MPHOSPH8: variants seen among roughly 807,000 people sequenced by gnomAD.
The protein encoded by MPHOSPH8 is M-phase phosphoprotein, mpp.
Under a neutral mutation model 87.3 loss-of-function variants are expected in MPHOSPH8, and 45 were observed. The ratio of observed to expected loss-of-function variants is 0.52; its 90% CI spans 0.41 to 0.66. The LOEUF (loss-of-function observed/expected upper bound fraction) is 0.66, where lower values mean the gene tolerates loss of function less well. Ranked by LOEUF, MPHOSPH8 falls within the 30% of genes least tolerant of loss-of-function variation. MPHOSPH8 has a pLI of 0.00. For synonymous variants in MPHOSPH8, 366 were observed against 376.9 expected (o/e 0.97, Z 0.33); for missense variants, 883 against 1,020.2 (o/e 0.87, Z 1.83).
intron 7 of MPHOSPH8, among the ~76,000 whole-genome samples, chr13:19,661,338 C>T (rs1875520026): frequency 6.6e-6 from 1 of 152,178 alleles, no homozygotes; most frequent in Non-Finnish European, 1.5e-5. Context: ...CACAACAACA[C>T]AAAATGAGCA....
At chr13:19,658,155 G>C (rs1875301326) in intron 5 of MPHOSPH8, among the ~76,000 whole-genome samples, 2 of 151,404 alleles carry the variant, frequency 1.3e-5, no homozygotes, top group African/African-American at 2.4e-5. Context: ...AGAAGTGTTA[G>C]TTTGAGTTGA....
chr13:19,636,017 C>T (rs1873988280), intron 1 of MPHOSPH8, among the ~76,000 whole-genome samples: 1 of 152,182 alleles, frequency 6.6e-6, no homozygotes, highest in South Asian at 2.1e-4. Context: ...TTCTCCTTTG[C>T]CTTCCGCCAT....
chr13:19,655,837 C>T (rs532243504), intron 5 of MPHOSPH8, among the ~76,000 whole-genome samples: 1 of 152,158 alleles, frequency 6.6e-6, no homozygotes, highest in Non-Finnish European at 1.5e-5. Flanking sequence ...TAGCTGTCAC[C>T]CAGGCGGGAT....
Position 19,661,762 on chromosome 13 carries a change from T to A in MPHOSPH8, c.1856T>A (p.Leu619His), listed in dbSNP as rs1875540704. Residue 619 changes from leucine to histidine, a missense_variant, in exon 8 of 14, where the codon CTC becomes CAC. Transcript: ENST00000361479. ...AAGGQDDLLR[L>H]LITKGAKVNG... is the part of the protein sequence containing the mutation. ...GGAGGGCAGGACGACCTCCTGCGAC[T>A]CCTCATCACAAAAGGCGCGAAAGTG... The A allele has an allele frequency of 6.2e-7, 1 of 1,613,020 alleles. No individual in the cohort carries two copies. The highest frequency in any genetic ancestry group is 8.5e-7 in the Non-Finnish European group (1 of 1,179,470).
At chr13:19,663,878 C>T (rs1195360346) in intron 9 of MPHOSPH8, among the ~76,000 whole-genome samples, 4 of 152,164 alleles carry the variant, frequency 2.6e-5, no homozygotes, top group African/African-American at 9.7e-5. Flanking sequence ...CAGCCGCTGT[C>T]CCCAGTAAGC....
Position 19,650,200 on chromosome 13 carries a change from A to G in MPHOSPH8, c.1516A>G (p.Ile506Val). ...AGACGAAACGGATACTTGGGCATAC[A>G]TTGCTGCAGAAGGTGATCAGGAGGT... ...TRDETDTWAY[I>V]AAEGDQEVLD... is the part of the protein sequence containing the mutation. The change falls in exon 5 of 14, where the codon ATT becomes GTT. Residue 506 changes from isoleucine (I) to valine (V), a missense_variant. Coordinates refer to ENST00000361479, the MANE Select transcript of MPHOSPH8 (RefSeq NM_017520.4). 1 of 1,614,200 alleles carries G rather than the reference A, an allele frequency of 6.2e-7. No individual in the cohort carries two copies. The highest frequency in any genetic ancestry group is 8.5e-7 in the Non-Finnish European group (1 of 1,180,014).
At chr13:19,666,661 G>C in intron 10 of MPHOSPH8, 82 bp downstream of exon 10, 4 of 1,278,296 alleles carry the variant, frequency 3.1e-6, no homozygotes, top group East Asian at 2.4e-5. Flanking sequence ...GGAGTGGCCT[G>C]TGTGTAACTG....
intron 9 of MPHOSPH8, 92 bp from the exon 10 acceptor site, chr13:19,666,331 CTT>C (rs1875812547): frequency 1.5e-6 from 2 of 1,325,734 alleles, no homozygotes; most frequent in African/African-American, 2.9e-5. Context: ...TGTGCCCTCT[CTT>C]CACAGAACCG....
At chr13:19,660,995 T>C (rs1352309754) in intron 7 of MPHOSPH8, 3 of 977,596 alleles carry the variant, frequency 3.1e-6, no homozygotes, top group Non-Finnish European at 3.6e-6. Context: ...CGTGGTGGCA[T>C]GCACCTGTAA....
In MPHOSPH8 at chr13:19,633,925, C is replaced by T. The variant is rs768611163; in HGVS notation, c.177C>T (p.Phe59=). 9 of 1,610,714 alleles carry T rather than the reference C, an allele frequency of 5.6e-6. No homozygotes were observed. The highest frequency in any genetic ancestry group is 2.2e-5 in the South Asian group (2 of 90,124). Residue 59 remains phenylalanine, a synonymous_variant, in exon 1 of 14, where the codon TTC becomes TTT. Coordinates refer to ENST00000361479, the MANE Select transcript of MPHOSPH8 (RefSeq NM_017520.4). ...GTGAGGAGGACGGAGAGGATGTGTT[C>T]GAGGTGGAGAAGATCCTGGACATGA... ...GDSEEDGEDV[F]EVEKILDMKT...
chr13:19,670,865 C>A, intron 12 of MPHOSPH8: 1 of 1,128,826 alleles, frequency 8.9e-7, no homozygotes, highest in Non-Finnish European at 1.2e-6. Flanking sequence ...GTTGTCCAGG[C>A]TGGAGTGCAG....
rs1555222592 is a variant in MPHOSPH8 at position 19,650,172 on chromosome 13, C to G, written c.1488C>G (p.Thr496=). ...AGTCACTTAAAGAAAGGAGAAACACCAGAGACGAAACGGATACTTGGGCAT... is the reference window on the plus strand; with the variant it reads ...AGTCACTTAAAGAAAGGAGAAACACGAGAGACGAAACGGATACTTGGGCAT... ...NKQSLKERRN[T]RDETDTWAYI... is the part of the protein sequence containing the mutation. The change falls in exon 5 of 14, where the codon ACC becomes ACG. Residue 496 remains threonine, a synonymous_variant. Transcript: ENST00000361479. 6.2e-7 allele frequency: 1 copy of G among 1,614,086 alleles called. No homozygotes were observed. Among genetic ancestry groups the G allele is most frequent in the Non-Finnish European group, 8.5e-7 (1 of 1,180,008 alleles).
intron 5 of MPHOSPH8, among the ~76,000 whole-genome samples, chr13:19,657,746 G>A (rs1288000568): frequency 1.3e-5 from 2 of 152,114 alleles, no homozygotes; most frequent in African/African-American, 4.8e-5. Context: ...AGTCCTGTGA[G>A]TTTGGTGGTA....
At chr13:19,642,697 AAAC>A (rs1002111723) in intron 2 of MPHOSPH8, among the ~76,000 whole-genome samples, 1 of 152,164 alleles carries the variant, frequency 6.6e-6, no homozygotes, top group African/African-American at 2.4e-5. Context: ...AAAAAAAAAA[AAAC>A]AACTTAGAAC....
intron 4 of MPHOSPH8, among the ~76,000 whole-genome samples, 177 bp downstream of exon 4, chr13:19,648,698 T>C (rs1459065059): frequency 2.6e-5 from 4 of 152,062 alleles, no homozygotes; most frequent in African/African-American, 9.6e-5. Flanking sequence ...AAATTAGTTG[T>C]GGCAGAAAAA....
At chr13:19,634,081 C>A in intron 1 of MPHOSPH8, 120 bp downstream of exon 1, 2 of 1,002,908 alleles carry the variant, frequency 2.0e-6, no homozygotes, top group South Asian at 1.5e-5. Flanking sequence ...TGTGAGAGTT[C>A]AATGCAAGCA....
intron 11 of MPHOSPH8, among the ~76,000 whole-genome samples, chr13:19,668,962 A>G (rs1405084644): frequency 6.6e-6 from 1 of 151,964 alleles, no homozygotes; most frequent in East Asian, 1.9e-4. Context: ...CTCTCCAGGC[A>G]GGGCTGCGGC....
At chr13:19,670,114 A>C (rs1275460201) in intron 11 of MPHOSPH8, 122 bp from the exon 12 acceptor site, 1 of 1,160,052 alleles carries the variant, frequency 8.6e-7, no homozygotes, top group Non-Finnish European at 1.2e-6. Flanking sequence ...GCCTCCAGGC[A>C]GAGTGGGTGA....
chr13:19,641,961 C>G (rs1874316555), intron 1 of MPHOSPH8, among the ~76,000 whole-genome samples, 154 bp from the exon 2 acceptor site: 1 of 151,432 alleles, frequency 6.6e-6, no homozygotes, highest in Non-Finnish European at 1.5e-5. Context: ...AGCCACTTTT[C>G]TCAGGAGATG....
Sources: allele counts gnomAD v4.1 joint callset (sites outside exome capture counted in the v4.1 genomes callset), GRCh38; gene constraint gnomAD v4.1.1; transcripts MANE v1.5; gene names NCBI Gene and HGNC (gene_info 2026-07-23, HGNC 2026-07-21).